The following ZNF385D variants were observed in gnomAD, a reference collection of about 807,000 sequenced individuals.
ZNF385D encodes zinc finger protein 659.
Under a neutral mutation model 35.8 loss-of-function variants are expected in ZNF385D, and 15 were observed. The observed-to-expected ratio is 0.42, with a 90% CI of 0.28 to 0.64. ZNF385D has a LOEUF of 0.64. Ranked by LOEUF, ZNF385D falls within the 30% of genes least tolerant of loss-of-function variation. ZNF385D has a pLI of 0.23. For missense variants in ZNF385D, 474 were observed against 494.6 expected (o/e 0.96, Z 0.39); for synonymous variants, 212 against 186.8 (o/e 1.13, Z -1.10).
intron 2 of ZNF385D, among the ~76,000 whole-genome samples, chr3:22,282,158 T>A (rs955517137): frequency 7.2e-5 from 11 of 152,080 alleles, no homozygotes; most frequent in African/African-American, 2.4e-4. Context: ...TTATTCTCAC[T>A]AATGGTCTAT....
At chr3:22,275,791 T>A (rs1274987640) in intron 2 of ZNF385D, among the ~76,000 whole-genome samples, 1 of 152,068 alleles carries the variant, frequency 6.6e-6, no homozygotes, top group African/African-American at 2.4e-5. Flanking sequence ...TCTTTAAAGG[T>A]TCATGAGAAC....
intron 3 of ZNF385D, among the ~76,000 whole-genome samples, chr3:21,992,267 T>C (rs2125397491): frequency 6.6e-6 from 1 of 152,190 alleles, no homozygotes; most frequent in South Asian, 2.1e-4. Context: ...CTAGAAGGTA[T>C]CTAGTAGCTG....
intron 3 of ZNF385D, among the ~76,000 whole-genome samples, chr3:22,095,084 C>CCTTCTTT (rs1559364629): frequency 8.2e-6 from 1 of 121,282 alleles, no homozygotes. Flanking sequence ...TTTTTTCATT[C>CCTTCTTT]TTTCTTTTTT....
intron 1 of ZNF385D, among the ~76,000 whole-genome samples, chr3:21,673,613 T>C (rs1274363303): frequency 2.0e-5 from 3 of 152,156 alleles, no homozygotes; most frequent in African/African-American, 7.2e-5. Context: ...CGTCCATTTC[T>C]AGAGATGACC....
intron 2 of ZNF385D, among the ~76,000 whole-genome samples, chr3:22,360,455 G>T (rs533918198): frequency 6.6e-6 from 1 of 152,012 alleles, no homozygotes; most frequent in African/African-American, 2.4e-5. Flanking sequence ...GTACTTGGCA[G>T]TATCTTAAAG....
intron 4 of ZNF385D, among the ~76,000 whole-genome samples, chr3:21,440,598 A>G (rs4085212): frequency 0.25 from 37,798 of 151,964 alleles, 6,020 homozygotes; most frequent in African/African-American, 0.44. Context: ...AAACTAATGT[A>G]TGAATACTGA....
In ZNF385D at chr3:21,532,711, T is replaced by C. The variant is rs190116198; in HGVS notation, c.277-21688A>G. Among the ~76,000 whole-genome samples the C allele has an allele frequency of 2.2e-3, 341 of 152,252 alleles. 2 individuals carry two copies. Among genetic ancestry groups the C allele is most frequent in the Middle Eastern group, 0.01 (3 of 294 alleles). On this transcript the variant is annotated intron_variant, in intron 3 of 7. Transcript: ENST00000281523. The stretch of plus-strand genomic sequence containing the variant: ...AAAAAAAAACAGATCTAGTAACTTT[T>C]AGGATTATATTCTGTTTCATGTTTT...
intron 4 of ZNF385D, among the ~76,000 whole-genome samples, chr3:21,502,603 C>G (rs548117157): frequency 1.1e-4 from 17 of 152,234 alleles, no homozygotes; most frequent in Admixed American, 5.2e-4. Flanking sequence ...TATTTTGTTA[C>G]TTTTATGTCA....
intron 3 of ZNF385D, among the ~76,000 whole-genome samples, chr3:21,895,319 CTT>C (rs34167369): frequency 0.015 from 910 of 62,624 alleles, 17 homozygotes; most frequent in African/African-American, 0.054. Flanking sequence ...AAATGTGTGG[CTT>C]TTTTTTTTTT....
chr3:22,043,681 A>G (rs1698813742), intron 3 of ZNF385D, among the ~76,000 whole-genome samples: 1 of 152,048 alleles, frequency 6.6e-6, no homozygotes, highest in Non-Finnish European at 1.5e-5. Context: ...CCCTTGCCTA[A>G]GGGTCTTCAA....
chr3:21,771,217 T>G (rs1451874326), intron 3 of ZNF385D, among the ~76,000 whole-genome samples: 5 of 151,590 alleles, frequency 3.3e-5, no homozygotes, highest in African/African-American at 1.2e-4. Context: ...TGTGGACATG[T>G]ACCCTAGAAC....
intron 1 of ZNF385D, among the ~76,000 whole-genome samples, chr3:21,687,489 G>A (rs1008520943): frequency 3.3e-5 from 5 of 151,992 alleles, no homozygotes; most frequent in Admixed American, 6.6e-5. Flanking sequence ...ACCCTCGGCC[G>A]CTACACATGT....
intron 2 of ZNF385D, among the ~76,000 whole-genome samples, chr3:22,296,963 T>C (rs1702617566): frequency 6.6e-6 from 1 of 152,050 alleles, no homozygotes; most frequent in Non-Finnish European, 1.5e-5. Context: ...CCCTTGGAAA[T>C]AGTAACAGTT....
At chr3:21,518,414 T>C (rs773996737) in intron 3 of ZNF385D, among the ~76,000 whole-genome samples, 1 of 152,178 alleles carries the variant, frequency 6.6e-6, no homozygotes, top group Non-Finnish European at 1.5e-5. Context: ...TCCAAGGTAA[T>C]TATTGTCGCA....
rs1207933310 is a variant in ZNF385D, at chr3:21,505,058, C to T, written c.439+5803G>A. Reference sequence around the variant, plus strand: ...ATTCCAGGAATGGGAGGGAAGTGGACTCTAGCAATTGAATAGAAGTGAGAA... The same window carrying T: ...ATTCCAGGAATGGGAGGGAAGTGGATTCTAGCAATTGAATAGAAGTGAGAA... On this transcript the variant is annotated intron_variant, in intron 4 of 7. Transcript: ENST00000281523. Among the ~76,000 whole-genome samples the T allele has an allele frequency of 2.9e-4, 44 of 152,042 alleles. 1 individual carries two copies. Among genetic ancestry groups the T allele is most frequent in the Admixed American group, 2.7e-3 (41 of 15,250 alleles).
intron 3 of ZNF385D, among the ~76,000 whole-genome samples, chr3:21,823,211 A>G (rs980178750): frequency 3.3e-5 from 5 of 152,214 alleles, no homozygotes; most frequent in African/African-American, 9.6e-5. Context: ...GAGAGTAGGT[A>G]GTCCAGCATC....
intron 2 of ZNF385D, among the ~76,000 whole-genome samples, chr3:22,346,244 G>A (rs1020803269): frequency 2.0e-5 from 3 of 151,534 alleles, no homozygotes; most frequent in African/African-American, 7.3e-5. Flanking sequence ...CAGCTCAAAG[G>A]AATAGACGTT....
At chr3:21,913,854 T>C (rs1363288816) in intron 3 of ZNF385D, among the ~76,000 whole-genome samples, 1 of 152,130 alleles carries the variant, frequency 6.6e-6, no homozygotes, top group Non-Finnish European at 1.5e-5. Flanking sequence ...TCTGTCTAGA[T>C]TTCCTCATCA....
chr3:22,082,870 GCAATATTTGCTGTTCTA>G (rs1700830477), intron 3 of ZNF385D, among the ~76,000 whole-genome samples: 1 of 152,186 alleles, frequency 6.6e-6, no homozygotes, highest in Non-Finnish European at 1.5e-5. Flanking sequence ...GGATCAGGCA[GCAATATTTGCTGTTCTA>G]CAATATTTGC....
Sources: gnomAD v4.1 joint callset for allele counts (sites outside exome capture counted in the v4.1 genomes callset) on GRCh38, gnomAD v4.1.1 for gene constraint, MANE v1.5 for transcripts, NCBI Gene and HGNC (gene_info 2026-07-23, HGNC 2026-07-21) for gene names.